RPS6KA2: variants seen among roughly 807,000 people sequenced by gnomAD.
RPS6KA2 encodes ribosomal protein S6 kinase alpha-2.
RPS6KA2 carries 42 observed loss-of-function variants against 91.8 expected under a neutral mutation model. The observed-to-expected ratio is 0.46, with a 90% confidence interval of 0.36 to 0.59. RPS6KA2 has a LOEUF of 0.59. Among genes scored for constraint, RPS6KA2 ranks in the 20% least tolerant of loss-of-function variants. RPS6KA2 has a pLI of 0.00. For synonymous variants in RPS6KA2, 414 were observed against 393.6 expected (o/e 1.05, Z -0.61); for missense variants, 798 against 978.5 (o/e 0.82, Z 2.46).
intron 11 of RPS6KA2, among the ~76,000 whole-genome samples, chr6:166,467,458 C>T (rs550396424): frequency 2.9e-4 from 44 of 152,272 alleles, no homozygotes; most frequent in African/African-American, 9.1e-4. Context: ...AGAGCAAGGC[C>T]GGGGGCTGGG....
At chr6:166,830,130 AAAAAAAAAAAAG>A (rs2128626108) in intron 2 of RPS6KA2, among the ~76,000 whole-genome samples, 1 of 130,950 alleles carries the variant, frequency 7.6e-6, no homozygotes, top group Admixed American at 8.1e-5. Context: ...CATTTCAAAA[AAAAAAAAAAAAG>A]AAAGAAAGAA....
chr6:166,701,983 T>G (rs1276945174), intron 2 of RPS6KA2: 2 of 1,026,726 alleles, frequency 1.9e-6, no homozygotes, highest in African/African-American at 3.1e-5. Context: ...TATTTTGAGC[T>G]AAAATCTTCA....
chr6:166,821,686 G>A lies in RPS6KA2; in HGVS notation c.123+36514C>T, dbSNP rs762066359. Among the ~76,000 whole-genome samples, 1 of 151,922 alleles carries A rather than the reference G, an allele frequency of 6.6e-6. No homozygotes were observed. Reference sequence around the variant, plus strand: ...CGGAGCCCTCATCCCTTCATAATCTGTAGCCTCTTCCAAGACAAACTTCCC... The same window carrying A: ...CGGAGCCCTCATCCCTTCATAATCTATAGCCTCTTCCAAGACAAACTTCCC... On this transcript the variant is annotated intron_variant, in intron 2 of 21. Transcript: ENST00000503859. The surrounding 1 kb of genome is among the most constrained non-coding windows in gnomAD (Gnocchi z 4.1).
At chr6:166,736,535 T>C (rs6932950) in intron 2 of RPS6KA2, among the ~76,000 whole-genome samples, 52,692 of 152,130 alleles carry the variant, frequency 0.35, 12,974 homozygotes, top group African/African-American at 0.7. Flanking sequence ...CCAAACTCAA[T>C]GGAAGGTCAC....
chr6:166,492,013 T>C (rs1178202646), intron 8 of RPS6KA2, among the ~76,000 whole-genome samples: 1 of 152,230 alleles, frequency 6.6e-6, no homozygotes, highest in Non-Finnish European at 1.5e-5. Flanking sequence ...TTTCTGCTAT[T>C]GTAAGTACTA....
chr6:166,736,334 C>A (rs1790668508), intron 2 of RPS6KA2, among the ~76,000 whole-genome samples: 1 of 152,216 alleles, frequency 6.6e-6, no homozygotes, highest in Admixed American at 6.5e-5. Context: ...AGTCCCGTGG[C>A]ATCATTCTGT....
intron 2 of RPS6KA2, among the ~76,000 whole-genome samples, chr6:166,713,278 C>G (rs575783692): frequency 2.0e-5 from 3 of 152,162 alleles, no homozygotes; most frequent in Non-Finnish European, 4.4e-5. Context: ...GGCCCATAGC[C>G]GGGTTTTCAC....
At chr6:166,537,241 G>A (rs1783510345) in intron 2 of RPS6KA2, among the ~76,000 whole-genome samples, 1 of 152,272 alleles carries the variant, frequency 6.6e-6, no homozygotes, top group Admixed American at 6.5e-5. Context: ...CCCTTGAAAG[G>A]TGGAAAAAGG....
intron 1 of RPS6KA2, among the ~76,000 whole-genome samples, chr6:166,579,382 G>T (rs562933448): frequency 1.8e-4 from 27 of 152,136 alleles, no homozygotes; most frequent in African/African-American, 6.0e-4. Context: ...AGTGGTGCTG[G>T]CCTGTCGCCC....
At chr6:166,555,690 G>A (rs576024102) in intron 1 of RPS6KA2, among the ~76,000 whole-genome samples, 3 of 152,100 alleles carry the variant, frequency 2.0e-5, no homozygotes, top group South Asian at 2.1e-4. Flanking sequence ...AACCTATTAC[G>A]CTTACATTTC....
At chr6:166,837,785 T>C (rs756378464) in intron 2 of RPS6KA2, among the ~76,000 whole-genome samples, 1 of 152,234 alleles carries the variant, frequency 6.6e-6, no homozygotes, top group Non-Finnish European at 1.5e-5. Context: ...ATGACCTGGC[T>C]GGGCTTCATT....
At chr6:166,798,443 T>TC (rs1231438254) in intron 2 of RPS6KA2, among the ~76,000 whole-genome samples, 2 of 152,208 alleles carry the variant, frequency 1.3e-5, no homozygotes, top group African/African-American at 4.8e-5. Flanking sequence ...AAAAGGAGCA[T>TC]CCTGGTGCTG....
At chr6:166,800,309 G>C (rs1307881154) in intron 2 of RPS6KA2, among the ~76,000 whole-genome samples, 1 of 152,184 alleles carries the variant, frequency 6.6e-6, no homozygotes, top group African/African-American at 2.4e-5. Context: ...GGGAGGACAT[G>C]GGGGAGCAGC....
At chr6:166,610,553 TG>T (rs1258901821) in intron 1 of RPS6KA2, among the ~76,000 whole-genome samples, 2 of 152,322 alleles carry the variant, frequency 1.3e-5, no homozygotes, top group South Asian at 4.1e-4. Flanking sequence ...CCGAGGGCCA[TG>T]GAGGCCTCCA....
chr6:166,569,261 C>T (rs1348030766), intron 1 of RPS6KA2, among the ~76,000 whole-genome samples: 1 of 152,220 alleles, frequency 6.6e-6, no homozygotes, highest in African/African-American at 2.4e-5. Flanking sequence ...CCATTCTGCT[C>T]CTCCCGTCTT....
chr6:166,658,559 G>A (rs943128884), intron 2 of RPS6KA2, among the ~76,000 whole-genome samples: 1 of 152,150 alleles, frequency 6.6e-6, no homozygotes, highest in African/African-American at 2.4e-5. Flanking sequence ...AAACTTTTCA[G>A]ACAAGGCCAG....
chr6:166,581,749 G>T (rs1159046472), intron 1 of RPS6KA2, among the ~76,000 whole-genome samples: 1 of 147,256 alleles, frequency 6.8e-6, no homozygotes, highest in African/African-American at 2.5e-5. Flanking sequence ...CACCCGCTGG[G>T]CAGGAGGGCA....
At chr6:166,723,733 T>G (rs1381982298) in intron 2 of RPS6KA2, among the ~76,000 whole-genome samples, 1 of 148,754 alleles carries the variant, frequency 6.7e-6, no homozygotes, top group Non-Finnish European at 1.5e-5. Flanking sequence ...TGGAGTCTCA[T>G]TCTGTCGCCC....
chr6:166,735,857 G>A (rs774244870), intron 2 of RPS6KA2, among the ~76,000 whole-genome samples: 14 of 152,236 alleles, frequency 9.2e-5, no homozygotes, highest in Non-Finnish European at 2.1e-4. Context: ...CCGAGGGGTT[G>A]AGGACTCCTG....
Sources: allele counts gnomAD v4.1 joint callset (sites outside exome capture counted in the v4.1 genomes callset), GRCh38; gene constraint gnomAD v4.1.1; non-coding constraint Gnocchi (gnomAD v3.1); transcripts MANE v1.5; gene names NCBI Gene and HGNC (gene_info 2026-07-23, HGNC 2026-07-21).